The following SH3GL3 variants were observed in gnomAD, a reference collection of about 807,000 sequenced individuals.
SH3GL3 encodes SH3 domain containing GRB2 like 3, endophilin A3.
Under a neutral mutation model 47.7 loss-of-function variants are expected in SH3GL3, and 33 were observed. That is an observed-to-expected ratio of 0.69 (90% CI 0.52 to 0.92). The LOEUF (loss-of-function observed/expected upper bound fraction) is 0.92. SH3GL3 is among the 40% of genes least tolerant of loss of function. The probability of loss-of-function intolerance (pLI) is 0.00; values close to 1 mark genes in which losing one functional copy is unlikely to be tolerated. For missense variants in SH3GL3, 363 were observed against 417.8 expected, an observed-to-expected ratio of 0.87 and a Z score of 1.14; for synonymous variants, 155 against 148.8, an observed-to-expected ratio of 1.04 and a Z score of -0.30.
chr15:83,473,594 T>C lies in SH3GL3; in HGVS notation c.45+26016T>C, dbSNP rs568770092. Among the ~76,000 whole-genome samples the C allele has an allele frequency of 2.2e-3, 327 of 151,554 alleles. 1 individual carries two copies. The highest frequency in any genetic ancestry group is 0.01 in the Middle Eastern group (3 of 294). On this transcript the variant is annotated intron_variant, in intron 1 of 8. Coordinates refer to ENST00000427482, the MANE Select transcript of SH3GL3 (RefSeq NM_003027.5). The stretch of plus-strand genomic sequence containing the variant: ...ACAGAGTCTCGCTCTGTCGCCCAGG[T>C]TGGAGTGCAGTGGCACGATCTTGGC...
Position 83,576,114 on chromosome 15 carries a change from G to T in SH3GL3, c.466-469G>T, listed in dbSNP as rs141110440. Among the ~76,000 whole-genome samples, 119 of 152,180 alleles carry T rather than the reference G, an allele frequency of 7.8e-4. No homozygotes were observed. In the East Asian group the frequency reaches 0.014, roughly 17 times the overall value. On this transcript the variant is annotated intron_variant, in intron 5 of 8. Transcript: ENST00000427482. ...TTTCTTGATTGTTTGGGAACTTTAC[G>T]GAGATCCGTTAATATTCTAAGGGAT...
At chr15:83,492,830 G>A (rs890280968) in intron 1 of SH3GL3, among the ~76,000 whole-genome samples, 2 of 152,186 alleles carry the variant, frequency 1.3e-5, no homozygotes, top group African/African-American at 2.4e-5. Flanking sequence ...CCCTTTGTTG[G>A]TGGTCCTCCC....
rs1018779447 is a variant in SH3GL3 at position 83,618,245 on chromosome 15, C to T, written c.1002C>T (p.Phe334=). The part of the protein sequence containing the change: ...EGMIHGESGF[F]PINYVEVIVP... ...TGATACACGGAGAATCGGGATTCTT[C>T]CCCATTAATTACGTGGAAGTGATCG... is the stretch of plus-strand genomic sequence containing the variant. The change falls in exon 9 of 9, where the codon TTC becomes TTT. Residue 334 remains phenylalanine (F), a synonymous_variant. Transcript: ENST00000427482. The T allele has an allele frequency of 6.8e-6, 11 of 1,612,092 alleles. No individual in the cohort carries two copies. The African/African-American group carries it at 1.2e-4, about 18-fold the overall frequency.
chr15:83,559,371 A>G (rs373674904), intron 2 of SH3GL3, 50 bp downstream of exon 2: 2 of 949,360 alleles, frequency 2.1e-6, no homozygotes, highest in Non-Finnish European at 3.5e-6. Flanking sequence ...TTTCATTGTG[A>G]TATGAGATAT....
At chr15:83,591,711 A>C (rs369076441) in intron 8 of SH3GL3, among the ~76,000 whole-genome samples, 1 of 151,890 alleles carries the variant, frequency 6.6e-6, no homozygotes, top group African/African-American at 2.4e-5. Flanking sequence ...TTTGAGACAA[A>C]GTCTTGCTCT....
chr15:83,476,526 A>G (rs2041106114), intron 1 of SH3GL3, among the ~76,000 whole-genome samples: 1 of 152,234 alleles, frequency 6.6e-6, no homozygotes, highest in African/African-American at 2.4e-5. Context: ...GATATGGCCC[A>G]CTGCCTGTTT....
intron 1 of SH3GL3, among the ~76,000 whole-genome samples, chr15:83,473,910 C>T (rs998697959): frequency 2.0e-5 from 3 of 151,376 alleles, no homozygotes; most frequent in Admixed American, 1.3e-4. Flanking sequence ...TCTTCAGCTC[C>T]AAATCTTGGA....
chr15:83,502,842 A>G (rs2042349942), intron 1 of SH3GL3, among the ~76,000 whole-genome samples: 1 of 152,132 alleles, frequency 6.6e-6, no homozygotes, highest in African/African-American at 2.4e-5. Flanking sequence ...ACTTGTTCAC[A>G]CCCTTGGCCT....
intron 1 of SH3GL3, among the ~76,000 whole-genome samples, chr15:83,453,685 G>T (rs973656172): frequency 9.1e-6 from 1 of 110,392 alleles, no homozygotes; most frequent in Non-Finnish European, 1.9e-5. Flanking sequence ...GTGTCTATTT[G>T]ATTCTTCTCT....
intron 1 of SH3GL3, among the ~76,000 whole-genome samples, chr15:83,485,131 A>G (rs906112486): frequency 2.0e-5 from 3 of 152,198 alleles, no homozygotes; most frequent in South Asian, 2.1e-4. Context: ...CATGTCTATC[A>G]GTGAATCTCT....
chr15:83,582,471 C>T (rs1755053324), intron 6 of SH3GL3, among the ~76,000 whole-genome samples: 1 of 152,112 alleles, frequency 6.6e-6, no homozygotes, highest in African/African-American at 2.4e-5. Context: ...TCTGTGGTCA[C>T]ATAAGTTTGG....
At chr15:83,549,308 C>A (rs1167118196) in intron 1 of SH3GL3, among the ~76,000 whole-genome samples, 1 of 152,140 alleles carries the variant, frequency 6.6e-6, no homozygotes, top group African/African-American at 2.4e-5. Context: ...ATTTGAATGG[C>A]ACATATTGTG....
rs1209575353 is a variant in SH3GL3, at chr15:83,587,085, C to G, written c.727C>G (p.Arg243Gly). The change falls in exon 7 of 9, where the codon CGA becomes GGA. Residue 243 changes from arginine (R) to glycine (G), a missense_variant and splice_region_variant. Transcript: ENST00000427482. ...GGAGCTGCAGAGCAAGCTACAGATG[C>G]GGTAAGCACCTCCACGTTTCTTACA... ...LQELQSKLQM[R>G]ISAASSVPRR... 1 of 1,555,374 alleles carries G rather than the reference C, an allele frequency of 6.4e-7. No individual in the cohort carries two copies. The highest frequency in any genetic ancestry group is 1.1e-5 in the South Asian group (1 of 88,352).
intron 1 of SH3GL3, among the ~76,000 whole-genome samples, chr15:83,475,983 AG>A (rs1383475679): frequency 1.1e-4 from 16 of 152,182 alleles, no homozygotes; most frequent in Admixed American, 5.9e-4. Context: ...CCATTACGTG[AG>A]TATTGATCAT....
chr15:83,482,949 T>A (rs2041432630), intron 1 of SH3GL3, among the ~76,000 whole-genome samples: 1 of 152,174 alleles, frequency 6.6e-6, no homozygotes, highest in Non-Finnish European at 1.5e-5. Context: ...TTTGTCCTTC[T>A]TCCAGGGGGC....
rs199577291 is a variant in SH3GL3 at position 83,493,903 on chromosome 15, G to C, written c.45+46325G>C. On this transcript the variant is annotated intron_variant, in intron 1 of 8. Transcript: ENST00000427482. ...GGCCTTGGCCAAACACCCCAGGGGT[G>C]TTATAATTGGGGGGTGGGCAGCCAC... 2.6e-5 allele frequency among the ~76,000 whole-genome samples: 4 copies of C among 152,332 alleles called. No homozygotes were observed. In the East Asian group the frequency reaches 7.7e-4, roughly 29 times the overall value.
chr15:83,498,231 C>G (rs1032093135), intron 1 of SH3GL3, among the ~76,000 whole-genome samples: 4 of 152,178 alleles, frequency 2.6e-5, no homozygotes, highest in South Asian at 4.2e-4. Context: ...CTCCAATTTA[C>G]TAGAAACTAT....
At chr15:83,591,805 C>T (rs1462144397) in intron 8 of SH3GL3, among the ~76,000 whole-genome samples, 5 of 152,142 alleles carry the variant, frequency 3.3e-5, no homozygotes, top group African/African-American at 1.2e-4. Context: ...CCTGCCTCGG[C>T]CCCCCGAGTA....
At chr15:83,493,734 C>G (rs775985822) in intron 1 of SH3GL3, among the ~76,000 whole-genome samples, 1 of 141,936 alleles carries the variant, frequency 7.0e-6, no homozygotes, top group African/African-American at 2.5e-5. Flanking sequence ...TCATAACCCA[C>G]GTGGTCTCGA....
Sources: allele counts gnomAD v4.1 joint callset (sites outside exome capture counted in the v4.1 genomes callset), GRCh38; gene constraint gnomAD v4.1.1; transcripts MANE v1.5; gene names NCBI Gene and HGNC (gene_info 2026-07-23, HGNC 2026-07-21).